Variants in SLC24A2 observed in about 807,000 individuals in gnomAD.
SLC24A2 encodes sodium/potassium/calcium exchanger 2.
In SLC24A2, 36 loss-of-function variants were observed where a neutral mutation model predicts 62.0. The ratio of observed to expected loss-of-function variants is 0.58; its 90% CI spans 0.44 to 0.77. The LOEUF (loss-of-function observed/expected upper bound fraction) is 0.77. Among genes scored for constraint, SLC24A2 ranks in the 30% least tolerant of loss-of-function variants. The pLI is 0.00. For synonymous variants in SLC24A2, 358 were observed against 294.0 expected (o/e 1.22, Z -2.23); for missense variants, 846 against 817.9 (o/e 1.03, Z -0.42).
the SLC24A2 span, among the ~76,000 whole-genome samples, chr9:20,182,920 A>G: frequency 3.9e-4 from 60 of 152,328 alleles, no homozygotes; most frequent in African/African-American, 1.4e-3. Flanking sequence ...ACTTGTCTGA[A>G]TGTTCTAAGA....
At chr9:19,887,152 C>T in the SLC24A2 span, among the ~76,000 whole-genome samples, 3 of 152,136 alleles carry the variant, frequency 2.0e-5, no homozygotes, top group East Asian at 1.9e-4. Flanking sequence ...CTATGGCACA[C>T]GTTTATCTAT....
the SLC24A2 span, among the ~76,000 whole-genome samples, chr9:19,918,137 AT>A: frequency 2.5e-5 from 2 of 80,060 alleles, no homozygotes; most frequent in Middle Eastern, 6.3e-3. Context: ...AACAACTGAC[AT>A]TATGTGTGTG....
chr9:19,543,701 C>G (rs994794458), intron 8 of SLC24A2, among the ~76,000 whole-genome samples: 2 of 152,188 alleles, frequency 1.3e-5, no homozygotes, highest in African/African-American at 2.4e-5. Flanking sequence ...AGTAGTCATT[C>G]AGGAGCATGT....
chr9:20,105,907 G>A, the SLC24A2 span, among the ~76,000 whole-genome samples: 2 of 152,254 alleles, frequency 1.3e-5, no homozygotes, highest in South Asian at 4.2e-4. Flanking sequence ...ATGAATCCAG[G>A]AGCTGGTTTT....
At chr9:19,614,945 G>C (rs574409301) in intron 4 of SLC24A2, among the ~76,000 whole-genome samples, 15 of 152,030 alleles carry the variant, frequency 9.9e-5, no homozygotes, top group Non-Finnish European at 1.9e-4. Flanking sequence ...GGTAATCCCT[G>C]CTCAAATTTC....
At chr9:20,145,652 G>A in the SLC24A2 span, among the ~76,000 whole-genome samples, 1 of 150,418 alleles carries the variant, frequency 6.6e-6, no homozygotes, top group Non-Finnish European at 1.5e-5. Flanking sequence ...TATACAGGAA[G>A]AGGCAAAAGT....
chr9:19,788,869 A>G lies in SLC24A2; in HGVS notation c.-154+16T>C, dbSNP rs1823259247. On this transcript the variant is annotated intron_variant, in intron 1 of 10. Coordinates refer to ENST00000341998, the MANE Select transcript of SLC24A2 (RefSeq NM_020344.4). ...GCGGCTACAGCGGCAGGCGGGGCGC[A>G]GCCGCCCGCACTTACCAGGATAAGA... 1.0e-6 allele frequency: 1 copy of G among 985,276 alleles called. No homozygotes were observed. 61.0% of individuals were successfully genotyped at this position (985,276 alleles called of 1,614,324 possible). A position where few individuals can be genotyped will look rare whatever the true frequency, so the allele number is the denominator to read the frequency against.
chr9:19,733,097 A>C (rs1821387531), intron 2 of SLC24A2, among the ~76,000 whole-genome samples: 1 of 149,854 alleles, frequency 6.7e-6, no homozygotes, highest in African/African-American at 2.5e-5. Flanking sequence ...TTTTTTTTTT[A>C]AACACGCTGG....
intron 2 of SLC24A2, among the ~76,000 whole-genome samples, chr9:19,785,157 A>G (rs898467500): frequency 1.3e-5 from 2 of 152,236 alleles, no homozygotes; most frequent in Non-Finnish European, 2.9e-5. Context: ...AAAATAATTT[A>G]GGTGTTTGCA....
At chr9:19,677,190 C>G (rs752711592) in intron 2 of SLC24A2, among the ~76,000 whole-genome samples, 1 of 152,192 alleles carries the variant, frequency 6.6e-6, no homozygotes, top group Non-Finnish European at 1.5e-5. Flanking sequence ...AAATACCCAC[C>G]TATGGTAGAC....
chr9:20,058,863 C>A, the SLC24A2 span, among the ~76,000 whole-genome samples: 1 of 152,140 alleles, frequency 6.6e-6, no homozygotes, highest in Non-Finnish European at 1.5e-5. Flanking sequence ...CCTTTTATTC[C>A]GATAGAATAA....
intron 7 of SLC24A2, among the ~76,000 whole-genome samples, chr9:19,556,687 C>G (rs190804252): frequency 3.9e-5 from 6 of 152,206 alleles, no homozygotes; most frequent in Admixed American, 2.6e-4. Context: ...CATTGGGAAG[C>G]CTGTTCAGTG....
intron 2 of SLC24A2, among the ~76,000 whole-genome samples, chr9:19,624,059 C>T (rs139143827): frequency 1.8e-4 from 28 of 152,322 alleles, no homozygotes; most frequent in Non-Finnish European, 2.8e-4. Context: ...TTCCTCTGAA[C>T]GGCACTGTAT....
rs184262219 is a variant in SLC24A2 at position 19,555,044 on chromosome 9, G to A, written c.1348-4776C>T. 9.3e-4 allele frequency among the ~76,000 whole-genome samples: 142 copies of A among 152,172 alleles called. 1 individual carries two copies. Among genetic ancestry groups the A allele is most frequent in the African/African-American group, 3.3e-3 (137 of 41,506 alleles). Reference sequence around the variant, plus strand: ...GGGGCCACATGTTAACACTAGACTAGGTGTCAAAATGCAGGACTTAACACT... The same window carrying A: ...GGGGCCACATGTTAACACTAGACTAAGTGTCAAAATGCAGGACTTAACACT... On this transcript the variant is annotated intron_variant, in intron 7 of 10. Coordinates refer to ENST00000341998, the MANE Select transcript of SLC24A2 (RefSeq NM_020344.4).
the SLC24A2 span, among the ~76,000 whole-genome samples, chr9:19,907,176 G>A: frequency 3.0e-4 from 46 of 152,200 alleles, 1 homozygote; most frequent in Non-Finnish European, 5.6e-4. Flanking sequence ...TTCAACATAC[G>A]AAAATCAATA....
the SLC24A2 span, among the ~76,000 whole-genome samples, chr9:19,895,031 G>T: frequency 6.6e-6 from 1 of 152,140 alleles, no homozygotes; most frequent in African/African-American, 2.4e-5. Context: ...AAAATCCCTT[G>T]CAAGTTAGTA....
intron 4 of SLC24A2, among the ~76,000 whole-genome samples, chr9:19,603,872 G>A (rs1836914042): frequency 6.6e-6 from 1 of 152,158 alleles, no homozygotes; most frequent in Non-Finnish European, 1.5e-5. Context: ...ACCCCGTTGA[G>A]GTTCCCTCCT....
rs201614738 is a variant in SLC24A2, at chr9:19,516,116, C to T, written c.*37G>A. On this transcript the variant is annotated 3_prime_UTR_variant, in exon 11 of 11. Transcript: ENST00000341998. ...GCCCAGAGCCCAGAGTGTGGAGGGACCATTCATGCTGCTGGTGCAAGATAT... is the reference window on the plus strand; with the variant it reads ...GCCCAGAGCCCAGAGTGTGGAGGGATCATTCATGCTGCTGGTGCAAGATAT... 37 of 1,613,312 alleles carry T rather than the reference C, an allele frequency of 2.3e-5. No individual in the cohort carries two copies. Among genetic ancestry groups the T allele is most frequent in the Middle Eastern group, 1.6e-4 (1 of 6,082 alleles).
intron 2 of SLC24A2, among the ~76,000 whole-genome samples, chr9:19,645,074 C>T (rs1564014632): frequency 6.6e-6 from 1 of 152,146 alleles, no homozygotes; most frequent in Non-Finnish European, 1.5e-5. Flanking sequence ...TTTTTAGATG[C>T]TCCTCATGTC....
Sources: gnomAD v4.1 joint callset for allele counts (sites outside exome capture counted in the v4.1 genomes callset) on GRCh38, gnomAD v4.1.1 for gene constraint, MANE v1.5 for transcripts, NCBI Gene and HGNC (gene_info 2026-07-23, HGNC 2026-07-21) for gene names.